Variants in TRAPPC9 observed in about 807,000 individuals in gnomAD.
TRAPPC9 encodes trafficking protein particle complex subunit 9.
A neutral mutation model predicts 124.0 loss-of-function variants in TRAPPC9; 83 were observed. That is an observed-to-expected ratio of 0.67 (90% CI 0.56 to 0.80). TRAPPC9 has a LOEUF of 0.80. Ranked by LOEUF, TRAPPC9 falls within the 30% of genes least tolerant of loss-of-function variation. The probability of loss-of-function intolerance (pLI) is 0.00; values close to 1 mark genes in which losing one functional copy is unlikely to be tolerated. For missense variants in TRAPPC9, 1,302 were observed against 1,508.3 expected, an observed-to-expected ratio of 0.86 and a Z score of 2.27; for synonymous variants, 638 against 617.5, an observed-to-expected ratio of 1.03 and a Z score of -0.49.
Position 139,927,440 on chromosome 8 carries a change from C to T in TRAPPC9, c.2811-17140G>A, listed in dbSNP as rs528331816. On this transcript the variant is annotated intron_variant, in intron 19 of 22. Transcript: ENST00000438773. ...TTTTTATTTTTAGTAGAGATGAGTT[C>T]TCATTATGTTGTCCAGGTTGGTCTC... 2.6e-5 allele frequency among the ~76,000 whole-genome samples: 4 copies of T among 152,198 alleles called. No individual in the cohort carries two copies. The South Asian group carries it at 8.3e-4, about 32-fold the overall frequency.
At chr8:140,348,145 C>T (rs899430938) in intron 9 of TRAPPC9, among the ~76,000 whole-genome samples, 1 of 152,240 alleles carries the variant, frequency 6.6e-6, no homozygotes, top group Non-Finnish European at 1.5e-5. Context: ...AGGGGTCCTG[C>T]TGTTCTGCCA....
At chr8:139,882,821 G>C (rs768361048) in intron 21 of TRAPPC9, among the ~76,000 whole-genome samples, 2 of 152,212 alleles carry the variant, frequency 1.3e-5, no homozygotes, top group Non-Finnish European at 2.9e-5. Context: ...CAGGCTCAAA[G>C]AGGTGAAGTG....
At chr8:140,266,717 G>A (rs1299882282) in intron 15 of TRAPPC9, among the ~76,000 whole-genome samples, 14 of 151,394 alleles carry the variant, frequency 9.2e-5, no homozygotes, top group East Asian at 5.9e-4. Context: ...AACATTAGCC[G>A]GGCGTGGTGG....
chr8:139,863,473 T>C (rs1828308043), intron 21 of TRAPPC9, among the ~76,000 whole-genome samples: 1 of 152,224 alleles, frequency 6.6e-6, no homozygotes, highest in Admixed American at 6.5e-5. Context: ...CTGGGGATGC[T>C]GCCCCAGGCC....
intron 9 of TRAPPC9, among the ~76,000 whole-genome samples, chr8:140,335,909 T>C (rs895280189): frequency 1.3e-5 from 2 of 151,990 alleles, no homozygotes; most frequent in Non-Finnish European, 2.9e-5. Flanking sequence ...GATTTCGCCA[T>C]GTTGACCAGG....
intron 18 of TRAPPC9, among the ~76,000 whole-genome samples, chr8:140,011,381 T>C (rs1446710224): frequency 2.0e-5 from 3 of 151,404 alleles, no homozygotes; most frequent in African/African-American, 7.3e-5. Flanking sequence ...CAATATTATA[T>C]ATATTTAGAT....
chr8:139,994,647 TTAAG>T (rs1405119852), intron 18 of TRAPPC9, among the ~76,000 whole-genome samples: 1 of 152,154 alleles, frequency 6.6e-6, no homozygotes, highest in Non-Finnish European at 1.5e-5. Flanking sequence ...TTCTTAAAAA[TTAAG>T]TGAGTCTCTT....
intron 17 of TRAPPC9, among the ~76,000 whole-genome samples, chr8:140,043,680 T>C (rs1022202822): frequency 6.6e-6 from 1 of 152,070 alleles, no homozygotes; most frequent in African/African-American, 2.4e-5. Flanking sequence ...CCAACACCAG[T>C]GTTTCTGATT....
Position 139,763,652 on chromosome 8 carries a change from ACATGCACACACATGCACGCACG to A in TRAPPC9, c.3056-31472_3056-31451del, listed in dbSNP as rs777995697. 8.6e-4 allele frequency among the ~76,000 whole-genome samples: 131 copies of A among 152,370 alleles called. 2 individuals are homozygous for A. Among genetic ancestry groups the A allele is most frequent in the Non-Finnish European group, 1.5e-3 (102 of 68,036 alleles). ...CACGTGCACACATGTGCACACAGGC[ACATGCACACACATGCACGCACG>A]CGTGCACACACACGTCGATCATTCA... On this transcript the variant is annotated intron_variant, in intron 21 of 22. Coordinates refer to ENST00000438773, the MANE Select transcript of TRAPPC9 (RefSeq NM_001160372.4).
At chr8:140,052,781 CA>C (rs34703292) in intron 17 of TRAPPC9, among the ~76,000 whole-genome samples, 5,606 of 134,442 alleles carry the variant, frequency 0.042, 294 homozygotes, top group African/African-American at 0.13. Flanking sequence ...GACTCCGTCT[CA>C]AAAAAAAAAA....
chr8:139,826,848 T>C (rs1259502500), intron 21 of TRAPPC9, among the ~76,000 whole-genome samples: 3 of 152,050 alleles, frequency 2.0e-5, no homozygotes, highest in African/African-American at 7.2e-5. Flanking sequence ...CAGGTCCCTG[T>C]GGGAGCCATC....
chr8:140,248,665 C>T (rs907700186), intron 16 of TRAPPC9, among the ~76,000 whole-genome samples: 7 of 152,160 alleles, frequency 4.6e-5, no homozygotes, highest in Non-Finnish European at 8.8e-5. Flanking sequence ...AGTTTGCCAC[C>T]ATCTTCCAGG....
chr8:140,388,436 C>A (rs1339225654), intron 7 of TRAPPC9, among the ~76,000 whole-genome samples: 1 of 151,682 alleles, frequency 6.6e-6, no homozygotes, highest in Non-Finnish European at 1.5e-5. Flanking sequence ...GTAATCCCAG[C>A]ACTTTGGGAG....
chr8:140,248,535 T>A (rs748520846), intron 16 of TRAPPC9, among the ~76,000 whole-genome samples: 14 of 152,214 alleles, frequency 9.2e-5, no homozygotes, highest in Non-Finnish European at 1.5e-4. Flanking sequence ...TATTTTGGGG[T>A]CCGTGGGGAT....
At chr8:140,036,343 T>C (rs1840875661) in intron 17 of TRAPPC9, among the ~76,000 whole-genome samples, 1 of 151,698 alleles carries the variant, frequency 6.6e-6, no homozygotes, top group Non-Finnish European at 1.5e-5. Context: ...TGGGGACGTG[T>C]TCGGGGGGTG....
In TRAPPC9 at chr8:140,442,426, C is replaced by T. The variant is rs189623774; in HGVS notation, c.585-3229G>A. ...CATCCTGGCTAACACGGCAAAACCC[C>T]GTGTCTACTGAAAATACAAAAAATT... On this transcript the variant is annotated intron_variant, in intron 2 of 22. Coordinates refer to ENST00000438773, the MANE Select transcript of TRAPPC9 (RefSeq NM_001160372.4). 5.1e-3 allele frequency among the ~76,000 whole-genome samples: 777 copies of T among 151,734 alleles called. 10 individuals carry two copies. The highest frequency in any genetic ancestry group is 0.018 in the African/African-American group (727 of 41,352).
chr8:139,770,239 C>G (rs1486015339), intron 21 of TRAPPC9, among the ~76,000 whole-genome samples: 69 of 152,354 alleles, frequency 4.5e-4, no homozygotes, highest in African/African-American at 1.6e-3. Flanking sequence ...GCCCAGACGC[C>G]CCGGAGAGAG....
chr8:139,752,779 T>C (rs1819414608), intron 21 of TRAPPC9, among the ~76,000 whole-genome samples: 2 of 148,018 alleles, frequency 1.4e-5, no homozygotes, highest in African/African-American at 5.0e-5. Flanking sequence ...TCCATCCATC[T>C]ATCTATATAC....
chr8:140,297,346 A>T (rs894195517), intron 11 of TRAPPC9, among the ~76,000 whole-genome samples: 1 of 148,974 alleles, frequency 6.7e-6, no homozygotes, highest in African/African-American at 2.5e-5. Context: ...ACACACATGC[A>T]TAGACACACA....
Sources: allele counts gnomAD v4.1 joint callset (sites outside exome capture counted in the v4.1 genomes callset), GRCh38; gene constraint gnomAD v4.1.1; transcripts MANE v1.5; gene names NCBI Gene and HGNC (gene_info 2026-07-23, HGNC 2026-07-21).